The following TRAFD1 variants were observed in gnomAD, a reference collection of about 807,000 sequenced individuals.
TRAFD1 encodes the protein TRAF-type zinc finger domain-containing protein 1.
A neutral mutation model predicts 65.3 loss-of-function variants in TRAFD1; 38 were observed. The observed-to-expected ratio is 0.58, with a 90% CI of 0.45 to 0.76. The LOEUF is 0.76. TRAFD1 is among the 30% of genes least tolerant of loss of function. The pLI, the probability that TRAFD1 is intolerant of heterozygous loss-of-function variation, is 0.00. For synonymous variants in TRAFD1, 223 were observed against 257.2 expected, an observed-to-expected ratio of 0.87 and a Z score of 1.27; for missense variants, 631 against 712.6, an observed-to-expected ratio of 0.89 and a Z score of 1.30.
At chr12:112,131,575 C>G (rs2136969189) in intron 2 of TRAFD1, among the ~76,000 whole-genome samples, 1 of 152,314 alleles carries the variant, frequency 6.6e-6, no homozygotes, top group African/African-American at 2.4e-5. Flanking sequence ...TTTCTGGAAG[C>G]TTTGGTTTGC....
At chr12:112,138,958 C>T (rs2030002947) in intron 4 of TRAFD1, among the ~76,000 whole-genome samples, 1 of 151,766 alleles carries the variant, frequency 6.6e-6, no homozygotes, top group African/African-American at 2.4e-5. Flanking sequence ...TTGCAGGAAA[C>T]ACAATAAATT....
Position 112,137,678 on chromosome 12 carries a change from C to T in TRAFD1, c.237+2612C>T, listed in dbSNP as rs1367928617. 1.3e-5 allele frequency among the ~76,000 whole-genome samples: 2 copies of T among 152,146 alleles called. No homozygotes were observed. The highest frequency in any genetic ancestry group is 2.1e-4 in the South Asian group (1 of 4,830). On this transcript the variant is annotated intron_variant, in intron 4 of 11. Transcript: ENST00000412615. This position sits in a 1 kb window ranked among gnomAD's most constrained non-coding sequence, Gnocchi z 4.2. ...TTGGGAGGCTGAGGCAGGAGAATGGCGTGAACCCGGGAGGCGGAGCTTGCA... is the reference window on the plus strand; with the variant it reads ...TTGGGAGGCTGAGGCAGGAGAATGGTGTGAACCCGGGAGGCGGAGCTTGCA...
chr12:112,149,562 C>T, intron 8 of TRAFD1, 189 bp from the exon 9 acceptor site: 1 of 609,690 alleles, frequency 1.6e-6, no homozygotes, highest in Non-Finnish European at 2.8e-6. Flanking sequence ...GTGTTTCTGT[C>T]AGTGCCTCAT....
At position 112,142,784 on chromosome 12, in the gene TRAFD1, G is replaced by C. The variant is rs138405389; in HGVS notation, c.850+489G>C. On this transcript the variant is annotated intron_variant, in intron 6 of 11. Coordinates refer to ENST00000412615, the MANE Select transcript of TRAFD1 (RefSeq NM_006700.3). Reference sequence around the variant, plus strand: ...TCAAAGGCACATGATGAAGTACTTAGGAATAAAATGTTATGTGTTCAAACT... The same window carrying C: ...TCAAAGGCACATGATGAAGTACTTACGAATAAAATGTTATGTGTTCAAACT... 9.1e-4 allele frequency among the ~76,000 whole-genome samples: 139 copies of C among 152,246 alleles called. 1 individual carries two copies. The highest frequency in any genetic ancestry group is 3.2e-3 in the African/African-American group (134 of 41,572).
intron 4 of TRAFD1, among the ~76,000 whole-genome samples, chr12:112,136,498 A>G (rs949021629): frequency 1.3e-5 from 2 of 151,610 alleles, no homozygotes; most frequent in African/African-American, 4.8e-5. Flanking sequence ...GGCCAGGGTG[A>G]TCTTGAACTC....
rs1278898022 is a variant in TRAFD1, at chr12:112,134,811, A to G, written c.121A>G (p.Thr41Ala). 5 of 1,613,790 alleles carry G rather than the reference A, an allele frequency of 3.1e-6. No homozygotes were observed. The African/African-American group carries it at 4.0e-5, about 13-fold the overall frequency. The change falls in exon 3 of 12, where the codon ACC (threonine) becomes GCC (alanine). Residue 41 changes from threonine (T) to alanine (A), a missense_variant. By Grantham distance (58) the Thr-to-Ala change is moderately conservative (BLOSUM62 0). Coordinates refer to ENST00000412615, the MANE Select transcript of TRAFD1 (RefSeq NM_006700.3). ...HCQRNIGMCPTCKEPFPKSDM... is the reference protein window; with the variant it reads ...HCQRNIGMCPACKEPFPKSDM... ...TCAAAGGAACATTGGTATGTGTCCTACCTGTAAGGAACCATTTCCCAAATC... is the reference window on the plus strand; with the variant it reads ...TCAAAGGAACATTGGTATGTGTCCTGCCTGTAAGGAACCATTTCCCAAATC...
rs191109274 is a variant in TRAFD1 at position 112,142,073 on chromosome 12, G to A, written c.644-16G>A. 1.9e-4 allele frequency: 301 copies of A among 1,605,898 alleles called. 1 individual carries two copies. In the East Asian group the frequency reaches 4.5e-3, roughly 24 times the overall value. On this transcript the variant is annotated splice_polypyrimidine_tract_variant and intron_variant, in intron 5 of 11. Transcript: ENST00000412615. ...TTCTAATGTATCCTGAATGTTGGTTGGTTTTTTTTTTTCAGTTGAAGAACA... is the reference window on the plus strand; with the variant it reads ...TTCTAATGTATCCTGAATGTTGGTTAGTTTTTTTTTTTCAGTTGAAGAACA...
In TRAFD1 at chr12:112,130,452, A is replaced by G; in HGVS notation, c.-12-59A>G. ...ACTAGTTTTTTATTTGTTTTTTTGCATGTCATCTTTAAAGCAGAAATGAAA... is the reference window on the plus strand; with the variant it reads ...ACTAGTTTTTTATTTGTTTTTTTGCGTGTCATCTTTAAAGCAGAAATGAAA... On this transcript the variant is annotated intron_variant, in intron 1 of 11. Coordinates refer to ENST00000412615, the MANE Select transcript of TRAFD1 (RefSeq NM_006700.3). The surrounding 1 kb of genome is among the most constrained non-coding windows in gnomAD (Gnocchi z 4.4). 7.1e-7 allele frequency: 1 copy of G among 1,400,232 alleles called. No homozygotes were observed. Among genetic ancestry groups the G allele is most frequent in the Non-Finnish European group, 1.0e-6 (1 of 996,702 alleles). The allele number at this position is 1,400,232 out of a possible 1,614,324, so 86.7% of individuals were successfully genotyped here. A position where few individuals can be genotyped will look rare whatever the true frequency, so the allele number is the denominator to read the frequency against.
rs1593864878 is a variant in TRAFD1, at chr12:112,134,865, C to T, written c.175C>T (p.His59Tyr). 1 of 1,612,834 alleles carries T rather than the reference C, an allele frequency of 6.2e-7. No individual in the cohort carries two copies. Among genetic ancestry groups the T allele is most frequent in the East Asian group, 2.2e-5 (1 of 44,820 alleles). Residue 59 changes from histidine to tyrosine, a missense_variant, in exon 3 of 12, where the codon CAC (histidine) becomes TAC (tyrosine). His to Tyr is a moderately conservative substitution (Grantham distance 83). Transcript: ENST00000412615. Reference protein sequence around the residue: ...SDMETHMAAEHCQVTCKCNKK... With the variant: ...SDMETHMAAEYCQVTCKCNKK... ...CATGGAGACTCACATGGCTGCAGAA[C>T]ACTGTCAGGTGAGCCACCAAGTACT...
chr12:112,146,589 T>A (rs2030256019), intron 7 of TRAFD1, among the ~76,000 whole-genome samples: 1 of 152,242 alleles, frequency 6.6e-6, no homozygotes, highest in Non-Finnish European at 1.5e-5. Flanking sequence ...TTTATCTACC[T>A]GAAAGGTGTC....
At chr12:112,132,853 G>A (rs1566047286) in intron 2 of TRAFD1, among the ~76,000 whole-genome samples, 1 of 152,298 alleles carries the variant, frequency 6.6e-6, no homozygotes, top group East Asian at 1.9e-4. Flanking sequence ...AGTTCTTCTA[G>A]TATTCAGCTT....
chr12:112,146,782 G>A (rs1455454776), intron 7 of TRAFD1, among the ~76,000 whole-genome samples: 1 of 152,110 alleles, frequency 6.6e-6, no homozygotes, highest in East Asian at 1.9e-4. Context: ...ACTTTATGAT[G>A]TGGTCTTCTG....
At position 112,147,776 on chromosome 12, in the gene TRAFD1, A is replaced by G. The variant is rs574979011; in HGVS notation, c.928-298A>G. On this transcript the variant is annotated intron_variant, in intron 7 of 11. Transcript: ENST00000412615. ...AACCTCTGCCTCTCAGGTTCAAGCAATTCTCTGCCTCAGCCTCCCAGGTAG... is the reference window on the plus strand; with the variant it reads ...AACCTCTGCCTCTCAGGTTCAAGCAGTTCTCTGCCTCAGCCTCCCAGGTAG... 2.5e-4 allele frequency among the ~76,000 whole-genome samples: 38 copies of G among 152,016 alleles called. 3 individuals are homozygous for G. In the South Asian group the frequency reaches 6.9e-3, roughly 27 times the overall value.
chr12:112,146,987 GTTTTTTTTTTTTTTTTTTTT>G (rs547077120), intron 7 of TRAFD1, among the ~76,000 whole-genome samples: 1 of 52,512 alleles, frequency 1.9e-5, no homozygotes, highest in Non-Finnish European at 3.8e-5. Context: ...GGGAACTTCT[GTTTTTTTTTTTTTTTTTTTT>G]TTTTTTTTTT....
rs2030451929 is a variant in TRAFD1 at position 112,152,972 on chromosome 12, G to A, written c.*181G>A. ...CTGTGGGGGTTTGGGTTTGAGGGAA[G>A]GGAGCAGGGTGGCGGTTGAGGAACG... is the stretch of plus-strand genomic sequence containing the variant. On this transcript the variant is annotated 3_prime_UTR_variant, in exon 12 of 12. Coordinates refer to ENST00000412615, the MANE Select transcript of TRAFD1 (RefSeq NM_006700.3). The surrounding 1 kb of genome is among the most constrained non-coding windows in gnomAD (Gnocchi z 5.0). 1 of 646,750 alleles carries A rather than the reference G, an allele frequency of 1.5e-6. No homozygotes were observed. The highest frequency in any genetic ancestry group is 2.6e-6 in the Non-Finnish European group (1 of 386,938). 40.1% of individuals were successfully genotyped at this position (646,750 alleles called of 1,614,324 possible). A position where few individuals can be genotyped will look rare whatever the true frequency, so the allele number is the denominator to read the frequency against.
intron 7 of TRAFD1, among the ~76,000 whole-genome samples, chr12:112,146,225 CAAAAAAA>C (rs766339761): frequency 3.0e-5 from 2 of 66,816 alleles, no homozygotes; most frequent in South Asian, 4.9e-4. Context: ...GAAATAACAG[CAAAAAAA>C]AAAAAAAAAA....
chr12:112,141,059 G>T lies in TRAFD1; in HGVS notation c.478G>T (p.Asp160Tyr). ...PNAYDESWGQDGIWIASQLLR... is the reference protein window; with the variant it reads ...PNAYDESWGQYGIWIASQLLR... ...TGCATATGATGAATCTTGGGGTCAG[G>T]ATGGAATCTGGATTGCATCCCAACT... Residue 160 changes from aspartate to tyrosine, a missense_variant, in exon 5 of 12, where the codon GAT becomes TAT. Coordinates refer to ENST00000412615, the MANE Select transcript of TRAFD1 (RefSeq NM_006700.3). 1.2e-6 allele frequency: 2 copies of T among 1,614,174 alleles called. No individual in the cohort carries two copies. Among genetic ancestry groups the T allele is most frequent in the Non-Finnish European group, 1.7e-6 (2 of 1,180,026 alleles).
Position 112,138,647 on chromosome 12 carries a change from C to T in TRAFD1, c.238-2172C>T, listed in dbSNP as rs181132682. Reference sequence around the variant, plus strand: ...CTGAGGCAGGCAGATCACATGAGGTCAAGAGTTCAAGACCAGACTGGCCAA... The same window carrying T: ...CTGAGGCAGGCAGATCACATGAGGTTAAGAGTTCAAGACCAGACTGGCCAA... On this transcript the variant is annotated intron_variant, in intron 4 of 11. Coordinates refer to ENST00000412615, the MANE Select transcript of TRAFD1 (RefSeq NM_006700.3). 7.9e-5 allele frequency among the ~76,000 whole-genome samples: 12 copies of T among 151,492 alleles called. No homozygotes were observed. In the East Asian group the frequency reaches 2.4e-3, roughly 30 times the overall value.
chr12:112,139,815 G>A (rs911897871), intron 4 of TRAFD1, among the ~76,000 whole-genome samples: 2 of 152,098 alleles, frequency 1.3e-5, no homozygotes, highest in African/African-American at 2.4e-5. Context: ...CTTGGCTAAC[G>A]TGGTGAAACC....
Sources: gnomAD v4.1 joint callset for allele counts (sites outside exome capture counted in the v4.1 genomes callset) on GRCh38, gnomAD v4.1.1 for gene constraint, Gnocchi (gnomAD v3.1) non-coding constraint, MANE v1.5 for transcripts, NCBI Gene and HGNC (gene_info 2026-07-23, HGNC 2026-07-21) for gene names.